The following RPS6KC1 variants were observed in gnomAD, a reference collection of about 807,000 sequenced individuals.
The protein encoded by RPS6KC1 is inactive ribosomal protein S6 kinase delta-1.
Under a neutral mutation model 103.8 loss-of-function variants are expected in RPS6KC1, and 54 were observed. That is an observed-to-expected ratio of 0.52 (90% CI 0.42 to 0.65). The LOEUF (loss-of-function observed/expected upper bound fraction) is 0.65. Ranked by LOEUF, RPS6KC1 falls within the 30% of genes least tolerant of loss-of-function variation. RPS6KC1 has a pLI of 0.00. For missense variants in RPS6KC1, 1,151 were observed against 1,253.8 expected (o/e 0.92, Z 1.24); for synonymous variants, 439 against 438.7 (o/e 1.00, Z -0.01).
intron 8 of RPS6KC1, among the ~76,000 whole-genome samples, chr1:213,208,953 G>C (rs2093428446): frequency 6.6e-6 from 1 of 151,948 alleles, no homozygotes; most frequent in African/African-American, 2.4e-5. Flanking sequence ...ACAGTTTTAA[G>C]GGTAAAGTTT....
At chr1:213,536,401 G>T in the RPS6KC1 span, among the ~76,000 whole-genome samples, 1 of 152,172 alleles carries the variant, frequency 6.6e-6, no homozygotes, top group Non-Finnish European at 1.5e-5. Flanking sequence ...GCATTGGGCA[G>T]ACAATCAGCA....
At chr1:213,165,621 C>T (rs1458634063) in intron 6 of RPS6KC1, among the ~76,000 whole-genome samples, 1 of 152,098 alleles carries the variant, frequency 6.6e-6, no homozygotes, top group Non-Finnish European at 1.5e-5. Context: ...GACGGGGTTT[C>T]ACCATGTTAG....
chr1:213,214,797 C>T lies in RPS6KC1; in HGVS notation c.1045-15700C>T, dbSNP rs114927665. On this transcript the variant is annotated intron_variant, in intron 8 of 14. Coordinates refer to ENST00000366960, the MANE Select transcript of RPS6KC1 (RefSeq NM_012424.6). ...GAGTGGACCTCCGGCAAACTCCAAA[C>T]GGACCTGCAGCTGAGGGTCCTGACT... 6.5e-4 allele frequency among the ~76,000 whole-genome samples: 99 copies of T among 152,288 alleles called. 1 individual carries two copies. Among genetic ancestry groups the T allele is most frequent in the African/African-American group, 1.7e-3 (71 of 41,558 alleles).
chr1:213,189,321 T>C (rs2092662311), intron 8 of RPS6KC1, among the ~76,000 whole-genome samples: 1 of 151,836 alleles, frequency 6.6e-6, no homozygotes, highest in Non-Finnish European at 1.5e-5. Flanking sequence ...TGATGATGGG[T>C]GCTTGTAATT....
chr1:213,790,953 C>G, the RPS6KC1 span, among the ~76,000 whole-genome samples: 10 of 96,654 alleles, frequency 1.0e-4, no homozygotes, highest in Admixed American at 9.8e-4. Context: ...AACCCCATGG[C>G]CCATGATGAC....
the RPS6KC1 span, among the ~76,000 whole-genome samples, chr1:213,752,580 A>G: frequency 6.6e-6 from 1 of 152,242 alleles, no homozygotes; most frequent in Non-Finnish European, 1.5e-5. Context: ...GTATTCCACC[A>G]TTAGAAAGTC....
intron 1 of RPS6KC1, among the ~76,000 whole-genome samples, chr1:213,064,923 C>G (rs941983502): frequency 1.3e-5 from 2 of 151,258 alleles, no homozygotes; most frequent in East Asian, 3.9e-4. Flanking sequence ...GATCCACCCG[C>G]CTCGGCCTCC....
chr1:213,742,592 T>A, the RPS6KC1 span, among the ~76,000 whole-genome samples: 1 of 152,262 alleles, frequency 6.6e-6, no homozygotes, highest in African/African-American at 2.4e-5. Context: ...TAGCACTCAT[T>A]TACTAGCATG....
At chr1:213,736,191 G>A in the RPS6KC1 span, among the ~76,000 whole-genome samples, 49 of 152,264 alleles carry the variant, frequency 3.2e-4, no homozygotes, top group Admixed American at 2.6e-3. Flanking sequence ...AAAACAACAC[G>A]CATTTATTAT....
intron 8 of RPS6KC1, among the ~76,000 whole-genome samples, chr1:213,183,360 A>G (rs2092377058): frequency 6.6e-6 from 1 of 152,168 alleles, no homozygotes. Flanking sequence ...AGCAGACTAC[A>G]CATTCTTTTG....
At chr1:213,805,172 T>G in the RPS6KC1 span, among the ~76,000 whole-genome samples, 1 of 152,242 alleles carries the variant, frequency 6.6e-6, no homozygotes, top group Non-Finnish European at 1.5e-5. Context: ...AGTTGATGAC[T>G]GCTGACTGAT....
the RPS6KC1 span, chr1:213,492,607 C>T: frequency 3.3e-5 from 5 of 152,228 alleles, no homozygotes; most frequent in Admixed American, 2.6e-4. Context: ...TCGTGACTTA[C>T]AAGCAGCTGA....
the RPS6KC1 span, among the ~76,000 whole-genome samples, chr1:213,572,393 G>A: frequency 1.4e-4 from 22 of 152,320 alleles, no homozygotes; most frequent in Admixed American, 1.4e-3. Flanking sequence ...ATTCTCAGAG[G>A]AAATAACCTG....
the RPS6KC1 span, among the ~76,000 whole-genome samples, chr1:213,638,561 GT>G: frequency 6.6e-6 from 1 of 151,358 alleles, no homozygotes; most frequent in East Asian, 1.9e-4. Context: ...TTTGTTTTGG[GT>G]TTTTTTTGCA....
the RPS6KC1 span, among the ~76,000 whole-genome samples, chr1:213,417,933 G>T: frequency 6.6e-6 from 1 of 152,108 alleles, no homozygotes; most frequent in Non-Finnish European, 1.5e-5. Context: ...AGACCTGATG[G>T]TCATTGATTT....
chr1:213,066,623 T>C (rs1263218213), intron 1 of RPS6KC1, among the ~76,000 whole-genome samples: 1 of 152,226 alleles, frequency 6.6e-6, no homozygotes, highest in Non-Finnish European at 1.5e-5. Context: ...ACAATGAGTA[T>C]TGCTAAGGAA....
intron 3 of RPS6KC1, among the ~76,000 whole-genome samples, chr1:213,084,203 A>G (rs1351161303): frequency 6.6e-6 from 1 of 151,638 alleles, no homozygotes; most frequent in Admixed American, 6.6e-5. Context: ...CCCCCAGCAC[A>G]CACATATAAA....
the RPS6KC1 span, among the ~76,000 whole-genome samples, chr1:213,627,311 G>A: frequency 6.6e-6 from 1 of 152,192 alleles, no homozygotes; most frequent in Non-Finnish European, 1.5e-5. Context: ...GTCAGCTTAA[G>A]GAGATTTTGG....
chr1:213,758,402 AC>A, the RPS6KC1 span, among the ~76,000 whole-genome samples: 6 of 152,118 alleles, frequency 3.9e-5, no homozygotes, highest in East Asian at 1.2e-3. Flanking sequence ...ACATGGTAAA[AC>A]CCTGTCTCTA....
Sources: gnomAD v4.1 joint callset for allele counts (sites outside exome capture counted in the v4.1 genomes callset) on GRCh38, gnomAD v4.1.1 for gene constraint, MANE v1.5 for transcripts, NCBI Gene and HGNC (gene_info 2026-07-23, HGNC 2026-07-21) for gene names.